The following SHC2 variants were observed in gnomAD, a reference collection of about 807,000 sequenced individuals.
SHC2 encodes SHC adaptor protein 2.
Under a neutral mutation model 60.6 loss-of-function variants are expected in SHC2, and 62 were observed. The ratio of observed to expected loss-of-function variants is 1.02; its 90% CI spans 0.83 to 1.26. The LOEUF is 1.26. Among genes scored for constraint, SHC2 ranks in the 50% most tolerant of loss-of-function variants. The pLI is 0.00. For missense variants in SHC2, 873 were observed against 822.2 expected, an observed-to-expected ratio of 1.06 and a Z score of -0.76; for synonymous variants, 375 against 372.4, an observed-to-expected ratio of 1.01 and a Z score of -0.08.
At position 448,676 on chromosome 19, in the gene SHC2, A is replaced by G. The variant is rs560329576; in HGVS notation, c.469-7744T>C. Among the ~76,000 whole-genome samples, 3 of 152,284 alleles carry G rather than the reference A, an allele frequency of 2.0e-5. No homozygotes were observed. The South Asian group carries it at 6.2e-4, about 32-fold the overall frequency. On this transcript the variant is annotated intron_variant, in intron 1 of 12. Coordinates refer to ENST00000264554, the MANE Select transcript of SHC2 (RefSeq NM_012435.3). ...AGCACCCGGGGGCCTCCTGACACGA[A>G]GGGCTGGGAAAACACAGCACCCCTC...
At chr19:430,643 G>C in intron 9 of SHC2, 41 bp downstream of exon 9, 3 of 1,573,386 alleles carry the variant, frequency 1.9e-6, no homozygotes, top group Non-Finnish European at 8.7e-7. Context: ...AGGAGCCCCA[G>C]AATCCTCGTG....
chr19:418,857 T>A, intron 12 of SHC2, 66 bp downstream of exon 12: 17 of 1,521,882 alleles, frequency 1.1e-5, no homozygotes, highest in Non-Finnish European at 1.3e-5. Flanking sequence ...CGGGTCTCAA[T>A]TTTCAAATCA....
chr19:420,789 C>T (rs1974249963), intron 11 of SHC2, among the ~76,000 whole-genome samples: 1 of 152,092 alleles, frequency 6.6e-6, no homozygotes, highest in South Asian at 2.1e-4. Context: ...CGGTGGCTCA[C>T]GCCTGTAATC....
At chr19:458,621 C>T (rs867679375) in intron 1 of SHC2, among the ~76,000 whole-genome samples, 2 of 33,742 alleles carry the variant, frequency 5.9e-5, no homozygotes, top group Admixed American at 4.1e-4. Flanking sequence ...GGGAGGCGGA[C>T]GCGGGTTCCG....
chr19:439,218 A>T, intron 2 of SHC2, 188 bp from the exon 3 acceptor site: 4 of 29,426 alleles, frequency 1.4e-4, no homozygotes, highest in East Asian at 8.6e-4. Context: ...GTGGGCAGGG[A>T]GGGGGCTGGG....
chr19:430,071 C>A (rs1974538002), intron 9 of SHC2, among the ~76,000 whole-genome samples: 1 of 142,242 alleles, frequency 7.0e-6, no homozygotes, highest in Non-Finnish European at 1.5e-5. Flanking sequence ...GTGTGGATGA[C>A]GCAGTACCTA....
chr19:418,755 A>G (rs1568279037), intron 12 of SHC2, among the ~76,000 whole-genome samples, 168 bp downstream of exon 12: 1 of 152,158 alleles, frequency 6.6e-6, no homozygotes, highest in African/African-American at 2.4e-5. Context: ...GGCTGACAGA[A>G]TGTTCTGGAA....
chr19:436,697 A>G lies in SHC2; in HGVS notation c.721-14T>C, dbSNP rs1459888860. On this transcript the variant is annotated splice_polypyrimidine_tract_variant and intron_variant, in intron 4 of 12. Coordinates refer to ENST00000264554, the MANE Select transcript of SHC2 (RefSeq NM_012435.3). ...GTTGGCGATGACCTGTGGCGGCAGG[A>G]GGCACACGCGGTCATGGGGGCCCCG... The G allele has an allele frequency of 1.2e-6, 2 of 1,600,924 alleles. No homozygotes were observed. Among genetic ancestry groups the G allele is most frequent in the Non-Finnish European group, 1.7e-6 (2 of 1,178,624 alleles).
At chr19:456,617 C>T (rs1975348352) in intron 1 of SHC2, among the ~76,000 whole-genome samples, 2 of 152,316 alleles carry the variant, frequency 1.3e-5, no homozygotes, top group Non-Finnish European at 2.9e-5. Context: ...CCCGCTCCCT[C>T]TCCATCAGCT....
rs1340865829 is a variant in SHC2 at position 436,379 on chromosome 19, C to T, written c.826+1G>A. 6 of 1,594,770 alleles carry T rather than the reference C, an allele frequency of 3.8e-6. No homozygotes were observed. The Admixed American group carries it at 6.8e-5, about 18-fold the overall frequency. On this transcript the variant is annotated splice_donor_variant, in intron 6 of 12. Transcript: ENST00000264554. LOFTEE classifies it high-confidence loss of function. ...CCCACCGGCCTCCCCGGGGGCCTCA[C>T]CTCTCTGGTTGATGGGGTCCTTGGC...
chr19:457,592 G>A (rs1333325090), intron 1 of SHC2, among the ~76,000 whole-genome samples: 2 of 152,140 alleles, frequency 1.3e-5, no homozygotes, highest in African/African-American at 4.8e-5. Context: ...CTTGAGAGCA[G>A]GAACGAGGTC....
intron 1 of SHC2, among the ~76,000 whole-genome samples, chr19:447,516 G>A (rs1192138880): frequency 6.6e-6 from 1 of 152,216 alleles, no homozygotes; most frequent in Admixed American, 6.5e-5. Context: ...CAATGGCTCA[G>A]GCCTGCAATC....
rs112210080 is a variant in SHC2, at chr19:460,951, G to T, written c.46C>A (p.Pro16Thr). ...GTGGTGGGCGCCTCGGGCTCGGGGG[G>T]CGCGGGGGGCGCCGGGGGCGCGCGC... ...GGRAPPAPPA[P>T]PEPEAPTTFC... Residue 16 changes from proline (P) to threonine (T), a missense_variant, in exon 1 of 13, where the codon CCC becomes ACC. Pro to Thr is a conservative substitution (Grantham distance 38, BLOSUM62 -1). Transcript: ENST00000264554. 31 of 985,448 alleles carry T rather than the reference G, an allele frequency of 3.1e-5. No homozygotes were observed. Among genetic ancestry groups the T allele is most frequent in the Middle Eastern group, 5.2e-4 (1 of 1,940 alleles). The allele number at this position is 985,448 out of a possible 1,614,324, so 61.0% of individuals were successfully genotyped here.
chr19:442,923 A>AGGGGTGGATGGATGGG (rs1974932916), intron 1 of SHC2, among the ~76,000 whole-genome samples: 1 of 97,326 alleles, frequency 1.0e-5, no homozygotes, highest in Admixed American at 1.1e-4. Context: ...GGGTGGGTGG[A>AGGGGTGGATGGATGGG]TGGGTGGATG....
intron 11 of SHC2, chr19:419,346 G>A (rs537130548): frequency 6.1e-5 from 23 of 374,010 alleles, no homozygotes; most frequent in East Asian, 5.4e-4. Context: ...GCCTGTGAAC[G>A]TGACCTCATT....
At chr19:426,869 G>A (rs1045995128) in intron 9 of SHC2, among the ~76,000 whole-genome samples, 45 of 152,210 alleles carry the variant, frequency 3.0e-4, no homozygotes, top group Middle Eastern at 3.4e-3. Context: ...AGTCCGGGGA[G>A]GGAGGACGAC....
chr19:451,665 T>G (rs2145749573), intron 1 of SHC2, among the ~76,000 whole-genome samples: 1 of 152,326 alleles, frequency 6.6e-6, no homozygotes, highest in Middle Eastern at 3.4e-3. Flanking sequence ...TGGCGTGATC[T>G]CGGCTCACTG....
intron 11 of SHC2, among the ~76,000 whole-genome samples, chr19:421,397 C>CAA (rs10582067): frequency 3.3e-5 from 4 of 120,148 alleles, no homozygotes; most frequent in Admixed American, 8.5e-5. Context: ...GAGACTCCAT[C>CAA]AAAAAAAAAA....
rs975244483 is a variant in SHC2 at position 440,625 on chromosome 19, G to A, written c.539+237C>T. On this transcript the variant is annotated intron_variant, in intron 2 of 12. Coordinates refer to ENST00000264554, the MANE Select transcript of SHC2 (RefSeq NM_012435.3). The surrounding 1 kb of genome is among the most constrained non-coding windows in gnomAD (Gnocchi z 7.0). ...GGGACTTGCCCAGCACCCTGTGAGC[G>A]ACCGGCGTGTTCTTTCCATCTTAGA... 1.3e-5 allele frequency among the ~76,000 whole-genome samples: 2 copies of A among 152,222 alleles called. No homozygotes were observed. The highest frequency in any genetic ancestry group is 6.5e-5 in the Admixed American group (1 of 15,286).
Sources: allele counts gnomAD v4.1 joint callset (sites outside exome capture counted in the v4.1 genomes callset), GRCh38; gene constraint gnomAD v4.1.1; non-coding constraint Gnocchi (gnomAD v3.1); transcripts MANE v1.5; gene names NCBI Gene and HGNC (gene_info 2026-07-23, HGNC 2026-07-21).